The following SRP54 variants were observed in gnomAD, a reference collection of about 807,000 sequenced individuals.
SRP54 encodes signal recognition particle subunit SRP54.
In SRP54, 10 loss-of-function variants were observed where a neutral mutation model predicts 64.8. That is an observed-to-expected ratio of 0.15 (90% CI 0.10 to 0.26). The LOEUF is 0.26. SRP54 is among the 10% of genes least tolerant of loss of function. The pLI, the probability that SRP54 is intolerant of heterozygous loss-of-function variation, is 1.00. For synonymous variants in SRP54, 193 were observed against 185.6 expected (o/e 1.04, Z -0.32); for missense variants, 325 against 613.7 (o/e 0.53, Z 4.97).
intron 4 of SRP54, 38 bp downstream of exon 4, chr14:35,001,058 C>A: frequency 9.0e-7 from 1 of 1,112,760 alleles, no homozygotes. Context: ...ATTCTATACT[C>A]AGTGGATAAA....
At position 34,996,796 on chromosome 14, in the gene SRP54, A is replaced by G. The variant is rs780034695; in HGVS notation, c.78+9A>G. 6.3e-7 allele frequency: 1 copy of G among 1,578,074 alleles called. No homozygotes were observed. Among genetic ancestry groups the G allele is most frequent in the Non-Finnish European group, 8.7e-7 (1 of 1,147,236 alleles). ...CCATTATCAATGAAGAGGTATGTAA[A>G]ATATTGTATGAAATATATATGATTG... On this transcript the variant is annotated intron_variant, in intron 2 of 15. Coordinates refer to ENST00000216774, the MANE Select transcript of SRP54 (RefSeq NM_003136.4).
intron 1 of SRP54, among the ~76,000 whole-genome samples, chr14:34,983,535 G>T (rs2043842423): frequency 6.6e-6 from 1 of 152,188 alleles, no homozygotes; most frequent in African/African-American, 2.4e-5. Context: ...TTACTTGTAC[G>T]AGACTTTTAT....
rs541358017 is a variant in SRP54 at position 35,008,705 on chromosome 14, A to C, written c.427+12A>C. The C allele has an allele frequency of 2.4e-5, 38 of 1,605,766 alleles. 1 individual carries two copies. The South Asian group carries it at 3.4e-4, about 14-fold the overall frequency. On this transcript the variant is annotated intron_variant, in intron 6 of 15. Coordinates refer to ENST00000216774, the MANE Select transcript of SRP54 (RefSeq NM_003136.4). ...CACATTCAGAGCAGGTAATGTCTTG[A>C]AATTTGAAAATTGTTTTATATAATT...
At chr14:35,004,347 T>C (rs934330511) in intron 4 of SRP54, among the ~76,000 whole-genome samples, 1 of 152,216 alleles carries the variant, frequency 6.6e-6, no homozygotes, top group Non-Finnish European at 1.5e-5. Flanking sequence ...AGTATTGATA[T>C]TAATGAATAA....
intron 11 of SRP54, among the ~76,000 whole-genome samples, chr14:35,017,327 A>G (rs915896948): frequency 2.6e-5 from 4 of 152,142 alleles, no homozygotes; most frequent in African/African-American, 7.2e-5. Context: ...AGGGTCTCCT[A>G]ATTTCCACAT....
rs567680170 is a variant in SRP54 at position 35,021,811 on chromosome 14, C to T, written c.1157-1099C>T. Among the ~76,000 whole-genome samples the T allele has an allele frequency of 2.0e-5, 3 of 152,292 alleles. No homozygotes were observed. In the South Asian group the frequency reaches 6.2e-4, roughly 32 times the overall value. ...TTACATTAGATAGCAGGTCATCTCT[C>T]CTGGGGATATTAAGACCAAGGCTAG... On this transcript the variant is annotated intron_variant, in intron 13 of 15. Coordinates refer to ENST00000216774, the MANE Select transcript of SRP54 (RefSeq NM_003136.4).
intron 1 of SRP54, among the ~76,000 whole-genome samples, chr14:34,994,532 A>C (rs2138971052): frequency 6.6e-6 from 1 of 152,210 alleles, no homozygotes; most frequent in South Asian, 2.1e-4. Context: ...CTCTGTCCTA[A>C]GCAGAATGTT....
At position 34,988,578 on chromosome 14, in the gene SRP54, A is replaced by AAAAAAAAAAATATATAT. The variant is rs1384552218; in HGVS notation, c.-34+5364_-34+5365insAAAAAAAAATATATATA. Among the ~76,000 whole-genome samples, 3 of 47,098 alleles carry AAAAAAAAAAATATATAT rather than the reference A, an allele frequency of 6.4e-5. 1 individual carries two copies. Among genetic ancestry groups the AAAAAAAAAAATATATAT allele is most frequent in the Non-Finnish European group, 4.8e-5 (1 of 20,872 alleles). 30.9% of individuals were successfully genotyped at this position (47,098 alleles called of 152,430 possible). The stretch of plus-strand genomic sequence containing the variant: ...TCCATCTCAAAAAAAAAAAAAAAAA[A>AAAAAAAAAAATATATAT]ATATATATATATATATAACATATAT... On this transcript the variant is annotated intron_variant, in intron 1 of 15. Coordinates refer to ENST00000216774, the MANE Select transcript of SRP54 (RefSeq NM_003136.4).
Position 35,029,255 on chromosome 14 carries a change from G to A in SRP54, c.*103G>A, listed in dbSNP as rs1323172021. 7 of 775,108 alleles carry A rather than the reference G, an allele frequency of 9.0e-6. No individual in the cohort carries two copies. The highest frequency in any genetic ancestry group is 1.4e-5 in the Non-Finnish European group (7 of 487,672). 48.0% of individuals were successfully genotyped at this position (775,108 alleles called of 1,614,324 possible). On this transcript the variant is annotated 3_prime_UTR_variant, in exon 16 of 16. Coordinates refer to ENST00000216774, the MANE Select transcript of SRP54 (RefSeq NM_003136.4). ...ATTGGGGGGAAAGTGTATTTTTCTT[G>A]CTTATCATGCACTCTTTCCTTTTCT...
chr14:35,008,518 AGC>A (rs1346753977), intron 5 of SRP54, 107 bp from the exon 6 acceptor site: 3 of 622,400 alleles, frequency 4.8e-6, no homozygotes, highest in Non-Finnish European at 7.3e-6. Flanking sequence ...GAGAATTATA[AGC>A]AGTTTTATTT....
chr14:35,013,733 G>T (rs1238539020), intron 9 of SRP54, 69 bp from the exon 10 acceptor site: 36 of 1,404,214 alleles, frequency 2.6e-5, no homozygotes, highest in Non-Finnish European at 3.4e-5. Context: ...GATTCACTTC[G>T]AATTTCAGAT....
intron 9 of SRP54, 60 bp downstream of exon 9, chr14:35,013,554 T>C: frequency 2.4e-5 from 36 of 1,518,070 alleles, no homozygotes; most frequent in Non-Finnish European, 3.2e-5. Flanking sequence ...GGATATGTGT[T>C]TATAGCTTTC....
In SRP54 at chr14:34,996,798, T is replaced by C. The variant is rs751485778; in HGVS notation, c.78+11T>C. ...ATTATCAATGAAGAGGTATGTAAAA[T>C]ATTGTATGAAATATATATGATTGTA... On this transcript the variant is annotated intron_variant, in intron 2 of 15. Coordinates refer to ENST00000216774, the MANE Select transcript of SRP54 (RefSeq NM_003136.4). The C allele has an allele frequency of 1.3e-6, 2 of 1,570,344 alleles. No homozygotes were observed. Among genetic ancestry groups the C allele is most frequent in the Admixed American group, 3.3e-5 (2 of 59,924 alleles).
Position 34,996,804 on chromosome 14 carries a change from A to C in SRP54, c.78+17A>C, listed in dbSNP as rs771137520. 1.3e-6 allele frequency: 2 copies of C among 1,528,966 alleles called. No homozygotes were observed. Among genetic ancestry groups the C allele is most frequent in the Non-Finnish European group, 1.8e-6 (2 of 1,102,400 alleles). 94.7% of individuals were successfully genotyped at this position (1,528,966 alleles called of 1,614,324 possible). A position where few individuals can be genotyped will look rare whatever the true frequency, so the allele number is the denominator to read the frequency against. On this transcript the variant is annotated intron_variant, in intron 2 of 15. Coordinates refer to ENST00000216774, the MANE Select transcript of SRP54 (RefSeq NM_003136.4). The stretch of plus-strand genomic sequence containing the variant: ...AATGAAGAGGTATGTAAAATATTGT[A>C]TGAAATATATATGATTGTATATTGT...
intron 11 of SRP54, 185 bp from the exon 12 acceptor site, chr14:35,018,507 T>G: frequency 1.8e-6 from 1 of 559,384 alleles, no homozygotes; most frequent in Middle Eastern, 5.0e-4. Context: ...GACCTGTCTT[T>G]GTCTATGTAT....
In SRP54 at chr14:34,983,054, T is replaced by C. The variant is rs2043829118; in HGVS notation, c.-195T>C. 1 of 152,330 alleles carries C rather than the reference T, an allele frequency of 6.6e-6. No homozygotes were observed. Among genetic ancestry groups the C allele is most frequent in the South Asian group, 2.1e-4 (1 of 4,834 alleles). 9.4% of individuals were successfully genotyped at this position (152,330 alleles called of 1,614,324 possible). A position where few individuals can be genotyped will look rare whatever the true frequency, so the allele number is the denominator to read the frequency against. ...CAGCTGGTGGGAGTTGACGACGTGG[T>C]GCTGGGCGTTGGGACCCTACTTTAT... On this transcript the variant is annotated 5_prime_UTR_variant, in exon 1 of 16. Transcript: ENST00000216774.
Position 35,028,250 on chromosome 14 carries a change from G to A in SRP54, c.1423+67G>A, listed in dbSNP as rs954326038. The A allele has an allele frequency of 4.2e-6, 4 of 941,684 alleles. No individual in the cohort carries two copies. In the African/African-American group the frequency reaches 5.0e-5, roughly 12 times the overall value. 58.3% of individuals were successfully genotyped at this position (941,684 alleles called of 1,614,324 possible). ...TATAAGGGTTGAGTTTTAATGATAAGCCTTTTATTGTAATATTATGAAAAT... is the reference window on the plus strand; with the variant it reads ...TATAAGGGTTGAGTTTTAATGATAAACCTTTTATTGTAATATTATGAAAAT... On this transcript the variant is annotated intron_variant, in intron 15 of 15. Transcript: ENST00000216774.
At chr14:35,024,126 CA>C (rs578135561) in intron 14 of SRP54, among the ~76,000 whole-genome samples, 4 of 152,286 alleles carry the variant, frequency 2.6e-5, no homozygotes, top group Admixed American at 2.6e-4. Context: ...TTCCCAGGCT[CA>C]AACAATTCTC....
intron 1 of SRP54, among the ~76,000 whole-genome samples, chr14:34,995,450 A>C (rs2044057418): frequency 6.6e-6 from 1 of 152,110 alleles, no homozygotes; most frequent in Non-Finnish European, 1.5e-5. Context: ...TGTCCCTGTT[A>C]GCAGTCAGAC....
Sources: gnomAD v4.1 joint callset for allele counts (sites outside exome capture counted in the v4.1 genomes callset) on GRCh38, gnomAD v4.1.1 for gene constraint, MANE v1.5 for transcripts, NCBI Gene and HGNC (gene_info 2026-07-23, HGNC 2026-07-21) for gene names.